Variants in PLD5 observed in about 807,000 individuals in gnomAD.
PLD5 encodes phospholipase D family member 5.
Under a neutral mutation model 61.1 loss-of-function variants are expected in PLD5, and 36 were observed. The observed-to-expected ratio is 0.59, with a 90% CI of 0.45 to 0.78. The LOEUF (loss-of-function observed/expected upper bound fraction) is 0.78. Among genes scored for constraint, PLD5 ranks in the 30% least tolerant of loss-of-function variants. PLD5 has a pLI of 0.00. For missense variants in PLD5, 515 were observed against 644.4 expected (o/e 0.80, Z 2.17); for synonymous variants, 243 against 242.8 (o/e 1.00, Z -0.01).
chr1:242,148,797 G>C (rs1664719077), intron 5 of PLD5, among the ~76,000 whole-genome samples: 1 of 151,600 alleles, frequency 6.6e-6, no homozygotes, highest in Non-Finnish European at 1.5e-5. Flanking sequence ...ATTGATTTTT[G>C]TCTATAGAAA....
At chr1:242,117,670 C>T (rs1486268751) in intron 6 of PLD5, among the ~76,000 whole-genome samples, 1 of 152,126 alleles carries the variant, frequency 6.6e-6, no homozygotes, top group African/African-American at 2.4e-5. Context: ...TGAGCTACCA[C>T]GCCTGGCAAT....
At chr1:242,474,027 C>T (rs1459581552) in intron 1 of PLD5, among the ~76,000 whole-genome samples, 1 of 152,082 alleles carries the variant, frequency 6.6e-6, no homozygotes, top group Non-Finnish European at 1.5e-5. Flanking sequence ...TGTTAACCCA[C>T]GTGATAATAG....
At chr1:242,491,380 C>T (rs917147013) in intron 1 of PLD5, among the ~76,000 whole-genome samples, 7 of 152,198 alleles carry the variant, frequency 4.6e-5, no homozygotes, top group African/African-American at 7.2e-5. Context: ...CATGAAGAAA[C>T]GTGTGCATGT....
chr1:242,513,780 T>TCCCTGTTC (rs34858562), intron 1 of PLD5, among the ~76,000 whole-genome samples: 1 of 152,218 alleles, frequency 6.6e-6, no homozygotes, highest in African/African-American at 2.4e-5. Context: ...TTTGGAATTT[T>TCCCTGTTC]CCCTGTTCAT....
At chr1:242,263,304 G>A (rs955087472) in intron 4 of PLD5, among the ~76,000 whole-genome samples, 4 of 150,872 alleles carry the variant, frequency 2.7e-5, no homozygotes, top group Non-Finnish European at 2.9e-5. Context: ...TATTTTTTTC[G>A]TGGGATATTT....
At chr1:242,461,647 G>A (rs1667121748) in intron 1 of PLD5, among the ~76,000 whole-genome samples, 1 of 152,150 alleles carries the variant, frequency 6.6e-6, no homozygotes, top group South Asian at 2.1e-4. Context: ...TCTGTTTTAA[G>A]CTCTTTGAGA....
chr1:242,522,593 T>C (rs903391811), intron 1 of PLD5, among the ~76,000 whole-genome samples: 1 of 152,242 alleles, frequency 6.6e-6, no homozygotes, highest in African/African-American at 2.4e-5. Flanking sequence ...ATACGTTCTA[T>C]CACCCTCCCA....
intron 1 of PLD5, among the ~76,000 whole-genome samples, chr1:242,490,021 G>A (rs961921533): frequency 1.3e-5 from 2 of 152,204 alleles, no homozygotes; most frequent in African/African-American, 4.8e-5. Context: ...GGAGCCATTC[G>A]AACTTTTAAG....
At chr1:242,322,730 T>C (rs970816719) in intron 2 of PLD5, among the ~76,000 whole-genome samples, 6 of 152,232 alleles carry the variant, frequency 3.9e-5, no homozygotes, top group African/African-American at 1.4e-4. Context: ...TCTCTCCTGC[T>C]GCCATGTAAG....
intron 5 of PLD5, among the ~76,000 whole-genome samples, chr1:242,139,479 G>A (rs1337490698): frequency 6.6e-6 from 1 of 151,790 alleles, no homozygotes; most frequent in Non-Finnish European, 1.5e-5. Flanking sequence ...ACTGCTTCCT[G>A]TGCTTAGCTG....
chr1:242,359,790 T>C (rs2149235053), intron 1 of PLD5, among the ~76,000 whole-genome samples: 1 of 152,344 alleles, frequency 6.6e-6, no homozygotes, highest in Middle Eastern at 3.4e-3. Flanking sequence ...ATATGTAAAG[T>C]ACTTAAAGCA....
At chr1:242,160,054 C>T (rs897875290) in intron 5 of PLD5, among the ~76,000 whole-genome samples, 4 of 151,898 alleles carry the variant, frequency 2.6e-5, no homozygotes, top group Admixed American at 2.6e-4. Flanking sequence ...CTTTGTCACC[C>T]AGGCTGAAAT....
chr1:242,331,328 CT>C (rs1159315738), intron 2 of PLD5, among the ~76,000 whole-genome samples: 3 of 152,172 alleles, frequency 2.0e-5, no homozygotes, highest in Non-Finnish European at 4.4e-5. Flanking sequence ...TCCATTACAT[CT>C]TTAGGATTAA....
In PLD5 at chr1:242,192,667, T is replaced by C. The variant is rs1234186646; in HGVS notation, c.735+27321A>G. 2.6e-5 allele frequency among the ~76,000 whole-genome samples: 4 copies of C among 152,348 alleles called. No homozygotes were observed. The South Asian group carries it at 8.3e-4, about 32-fold the overall frequency. On this transcript the variant is annotated intron_variant, in intron 5 of 9. Coordinates refer to ENST00000536534, the MANE Select transcript of PLD5 (RefSeq NM_001372062.1). Reference sequence around the variant, plus strand: ...ATGGTAGTTTTAACTCTAGATCATGTAACACGGACAGAAGAGTTAGCGGAA... The same window carrying C: ...ATGGTAGTTTTAACTCTAGATCATGCAACACGGACAGAAGAGTTAGCGGAA...
At chr1:242,272,842 A>G (rs551616169) in intron 3 of PLD5, among the ~76,000 whole-genome samples, 1 of 152,326 alleles carries the variant, frequency 6.6e-6, no homozygotes, top group East Asian at 1.9e-4. Context: ...GAGGCATAAG[A>G]ATGTATAAAT....
At chr1:242,185,596 ATAT>A (rs1435306923) in intron 5 of PLD5, among the ~76,000 whole-genome samples, 3 of 152,158 alleles carry the variant, frequency 2.0e-5, no homozygotes, top group Non-Finnish European at 4.4e-5. Context: ...GGGTAGAGAG[ATAT>A]TATACAAGGG....
At chr1:242,147,283 T>C (rs996265454) in intron 5 of PLD5, among the ~76,000 whole-genome samples, 2 of 152,218 alleles carry the variant, frequency 1.3e-5, no homozygotes, top group African/African-American at 4.8e-5. Context: ...CTTGGTATCC[T>C]GCTTCTTTCA....
At chr1:242,397,235 C>T (rs576996906) in intron 1 of PLD5, among the ~76,000 whole-genome samples, 14 of 152,090 alleles carry the variant, frequency 9.2e-5, no homozygotes, top group Non-Finnish European at 1.6e-4. Flanking sequence ...AAATGGGTAT[C>T]TACTAGACAC....
In PLD5 at chr1:242,466,275, G is replaced by A. The variant is rs555811358; in HGVS notation, c.189+57813C>T. On this transcript the variant is annotated intron_variant, in intron 1 of 9. Coordinates refer to ENST00000536534, the MANE Select transcript of PLD5 (RefSeq NM_001372062.1). ...TTTTGTTGCCTGATGTATCCTAGGT[G>A]TGTAGCGCTGGCATACAGGAGATAT... Among the ~76,000 whole-genome samples the A allele has an allele frequency of 2.1e-4, 32 of 152,240 alleles. No homozygotes were observed. In the South Asian group the frequency reaches 6.6e-3, roughly 32 times the overall value.
Sources: gnomAD v4.1 joint callset for allele counts (sites outside exome capture counted in the v4.1 genomes callset) on GRCh38, gnomAD v4.1.1 for gene constraint, MANE v1.5 for transcripts, NCBI Gene and HGNC (gene_info 2026-07-23, HGNC 2026-07-21) for gene names.